The following CINP variants were observed in gnomAD, a reference collection of about 807,000 sequenced individuals.
CINP encodes cyclin dependent kinase 2 interacting protein.
Under a neutral mutation model 20.5 loss-of-function variants are expected in CINP, and 11 were observed. The ratio of observed to expected loss-of-function variants is 0.54; its 90% CI spans 0.34 to 0.89. CINP has a LOEUF of 0.89. CINP is among the 40% of genes least tolerant of loss of function. CINP has a pLI of 0.02. For missense variants in CINP, 213 were observed against 251.0 expected, an observed-to-expected ratio of 0.85 and a Z score of 1.02; for synonymous variants, 108 against 102.1, an observed-to-expected ratio of 1.06 and a Z score of -0.35.
intron 3 of CINP, chr14:102,355,548 G>T: frequency 2.1e-6 from 1 of 483,796 alleles, no homozygotes; most frequent in Non-Finnish European, 3.6e-6. Context: ...TATGTGATGA[G>T]CCCTGAAAGT....
In CINP at chr14:102,355,886, T is replaced by C. The variant is rs1886989480; in HGVS notation, c.188A>G (p.Lys63Arg). ...TGGGCTGCTGCTGTCTAGTTCTATC[T>C]TGTCTTTATTCCTAAACAAAATAGA... ...NLKISLLNKD[K>R]IELDSSSPAS... The change falls in exon 3 of 5, where the codon AAG becomes AGG. Residue 63 changes from lysine (K) to arginine (R), a missense_variant. Lys to Arg is a conservative substitution (Grantham distance 26, BLOSUM62 2). Coordinates refer to ENST00000216756, the MANE Select transcript of CINP (RefSeq NM_032630.3). 1 of 1,614,178 alleles carries C rather than the reference T, an allele frequency of 6.2e-7. No homozygotes were observed. Among genetic ancestry groups the C allele is most frequent in the Non-Finnish European group, 8.5e-7 (1 of 1,180,004 alleles).
At chr14:102,352,937 C>A (rs1418039366) in intron 3 of CINP, among the ~76,000 whole-genome samples, 1 of 151,736 alleles carries the variant, frequency 6.6e-6, no homozygotes, top group Admixed American at 6.6e-5. Flanking sequence ...GCATGAGCCA[C>A]TGCGCCTGGC....
At chr14:102,358,355 C>T (rs140432847) in intron 2 of CINP, among the ~76,000 whole-genome samples, 1 of 152,314 alleles carries the variant, frequency 6.6e-6, no homozygotes, top group East Asian at 1.9e-4. Context: ...AATAGTGGCT[C>T]TACATTACAC....
Position 102,362,539 on chromosome 14 carries a change from C to A in CINP, c.7+306G>T, listed in dbSNP as rs140028295. The A allele has an allele frequency of 2.7e-4, 188 of 703,022 alleles. 1 individual carries two copies. The African/African-American group carries it at 3.0e-3, about 11-fold the overall frequency. 43.5% of individuals were successfully genotyped at this position (703,022 alleles called of 1,614,324 possible). ...CATGCAAGGCTTGGTACCCAGTGAACTCTGTTAGTACTAATTTATAGTGAC... is the reference window on the plus strand; with the variant it reads ...CATGCAAGGCTTGGTACCCAGTGAAATCTGTTAGTACTAATTTATAGTGAC... On this transcript the variant is annotated intron_variant, in intron 1 of 4. Transcript: ENST00000216756.
At chr14:102,352,562 C>T (rs969353473) in intron 3 of CINP, 9 of 455,706 alleles carry the variant, frequency 2.0e-5, no homozygotes, top group South Asian at 9.3e-5. Flanking sequence ...TTCTCTATAA[C>T]GGATAGAGGA....
At position 102,355,950 on chromosome 14, in the gene CINP, ATT is replaced by A; in HGVS notation, c.177-55_177-54del. ...AAAATATACTCTTTAAGCTTGCCTTATTTCCTTATAATAAATTCTACAAACCT... is the reference window on the plus strand; with the variant it reads ...AAAATATACTCTTTAAGCTTGCCTTATCCTTATAATAAATTCTACAAACCT... On this transcript the variant is annotated intron_variant, in intron 2 of 4. Coordinates refer to ENST00000216756, the MANE Select transcript of CINP (RefSeq NM_032630.3). The A allele has an allele frequency of 1.9e-6, 3 of 1,576,302 alleles. No homozygotes were observed. The Admixed American group carries it at 5.5e-5, about 29-fold the overall frequency.
intron 4 of CINP, 59 bp downstream of exon 4, chr14:102,349,860 A>C: frequency 6.3e-7 from 1 of 1,593,798 alleles, no homozygotes; most frequent in South Asian, 1.1e-5. Context: ...TGTAAACGAT[A>C]CTAAATGCCC....
In CINP at chr14:102,348,648, A is replaced by G; in HGVS notation, c.548T>C (p.Leu183Pro). 1 of 1,614,124 alleles carries G rather than the reference A, an allele frequency of 6.2e-7. No individual in the cohort carries two copies. ...ATAGGGCTGGTGCAGCCACATGGACAGGTAGCTCAGGGTGAGGTCGGGATC... is the reference window on the plus strand; with the variant it reads ...ATAGGGCTGGTGCAGCCACATGGACGGGTAGCTCAGGGTGAGGTCGGGATC... ...TGDPDLTLSY[L>P]SMWLHQPYVE... The change falls in exon 5 of 5, where the codon CTG (leucine) becomes CCG (proline). Residue 183 changes from leucine (L) to proline (P), a missense_variant. Physicochemically the swap from Leu to Pro is moderately conservative, Grantham distance 98. Coordinates refer to ENST00000216756, the MANE Select transcript of CINP (RefSeq NM_032630.3).
intron 4 of CINP, among the ~76,000 whole-genome samples, chr14:102,349,071 G>T (rs914940044): frequency 6.6e-6 from 1 of 152,150 alleles, no homozygotes; most frequent in African/African-American, 2.4e-5. Context: ...TAGCCATCGT[G>T]GCGAAAACCT....
In CINP at chr14:102,355,354, A is replaced by C. The variant is rs141585320; in HGVS notation, c.306+414T>G. Among the ~76,000 whole-genome samples, 64 of 152,234 alleles carry C rather than the reference A, an allele frequency of 4.2e-4. No individual in the cohort carries two copies. In the East Asian group the frequency reaches 9.5e-3, roughly 23 times the overall value. ...ATATGGTGAAACCCTGTCTCAACTA[A>C]AAATGCAAAAATTAGCCAGGCATGG... On this transcript the variant is annotated intron_variant, in intron 3 of 4. Transcript: ENST00000216756.
Position 102,348,716 on chromosome 14 carries a change from C to G in CINP, c.480G>C (p.Leu160=). 1 of 1,613,910 alleles carries G rather than the reference C, an allele frequency of 6.2e-7. No homozygotes were observed. Among genetic ancestry groups the G allele is most frequent in the South Asian group, 1.1e-5 (1 of 90,984 alleles). The change falls in exon 5 of 5, where the codon CTG becomes CTC. Residue 160 remains leucine (L), a synonymous_variant. Coordinates refer to ENST00000216756, the MANE Select transcript of CINP (RefSeq NM_032630.3). ...CCTTGGCCACCGTGCGCTTCAGGAG[C>G]AGCTCCTTCCTGTACATCTCCAAGA... The part of the protein sequence containing the change: ...HKLLEMYRKE[L]LLKRTVAKEL...
rs903566545 is a variant in CINP at position 102,351,971 on chromosome 14, G to A, written c.307-1923C>T. Among the ~76,000 whole-genome samples, 7 of 152,038 alleles carry A rather than the reference G, an allele frequency of 4.6e-5. No homozygotes were observed. The highest frequency in any genetic ancestry group is 2.6e-4 in the Admixed American group (4 of 15,250). On this transcript the variant is annotated intron_variant, in intron 3 of 4. Coordinates refer to ENST00000216756, the MANE Select transcript of CINP (RefSeq NM_032630.3). The surrounding 1 kb of genome is among the most constrained non-coding windows in gnomAD (Gnocchi z 4.2). Reference sequence around the variant, plus strand: ...GCGATCTCCGCTCACTGCAACCTCCGCCTCCCGGGTTCATGCCATTCTCCT... The same window carrying A: ...GCGATCTCCGCTCACTGCAACCTCCACCTCCCGGGTTCATGCCATTCTCCT...
intron 2 of CINP, 21 bp from the exon 3 acceptor site, chr14:102,355,918 T>A (rs1886990327): frequency 6.2e-7 from 1 of 1,613,114 alleles, no homozygotes; most frequent in South Asian, 1.1e-5. Context: ...TAGAAAATAA[T>A]GTGTACAAAA....
chr14:102,360,415 C>T (rs1887114270), intron 1 of CINP, among the ~76,000 whole-genome samples: 1 of 151,942 alleles, frequency 6.6e-6, no homozygotes, highest in Non-Finnish European at 1.5e-5. Context: ...GCCTTCTCTA[C>T]TTTGAACCCC....
intron 1 of CINP, chr14:102,362,443 A>G: frequency 1.5e-6 from 1 of 672,990 alleles, no homozygotes; most frequent in Non-Finnish European, 2.7e-6. Flanking sequence ...ACTAGGCGAA[A>G]GCCAGCTTTC....
At chr14:102,360,973 G>A (rs1033034464) in intron 1 of CINP, among the ~76,000 whole-genome samples, 14 of 152,206 alleles carry the variant, frequency 9.2e-5, no homozygotes, top group Non-Finnish European at 1.8e-4. Context: ...ATGGGGGAAT[G>A]AAGTGATTGA....
chr14:102,355,683 G>A, intron 3 of CINP, 85 bp downstream of exon 3: 1 of 1,484,646 alleles, frequency 6.7e-7, no homozygotes, highest in Non-Finnish European at 9.3e-7. Context: ...AGGAGTAAGT[G>A]ATGGCCAATG....
intron 3 of CINP, chr14:102,355,542 T>A: frequency 2.2e-6 from 1 of 450,718 alleles, no homozygotes; most frequent in Non-Finnish European, 3.9e-6. Context: ...ATTTACTATG[T>A]GATGAGCCCT....
At chr14:102,354,510 A>T (rs894241803) in intron 3 of CINP, among the ~76,000 whole-genome samples, 2 of 152,164 alleles carry the variant, frequency 1.3e-5, no homozygotes, top group Non-Finnish European at 2.9e-5. Flanking sequence ...TAATCCCAAC[A>T]CTTTGGGAGG....
Sources: allele counts gnomAD v4.1 joint callset (sites outside exome capture counted in the v4.1 genomes callset), GRCh38; gene constraint gnomAD v4.1.1; non-coding constraint Gnocchi (gnomAD v3.1); transcripts MANE v1.5; gene names NCBI Gene and HGNC (gene_info 2026-07-23, HGNC 2026-07-21).